The following KCNJ10 variants were observed in gnomAD, a reference collection of about 807,000 sequenced individuals.
KCNJ10 encodes the protein ATP-sensitive inward rectifier potassium channel 10.
A neutral mutation model predicts 22.2 loss-of-function variants in KCNJ10; 9 were observed. That is an observed-to-expected ratio of 0.40 (90% CI 0.24 to 0.71). KCNJ10 has a LOEUF of 0.71. KCNJ10 is among the 30% of genes least tolerant of loss of function. The pLI, the probability that KCNJ10 is intolerant of heterozygous loss-of-function variation, is 0.35. For missense variants in KCNJ10, 337 were observed against 482.7 expected (o/e 0.70, Z 2.83); for synonymous variants, 184 against 187.3 (o/e 0.98, Z 0.15).
intron 1 of KCNJ10, among the ~76,000 whole-genome samples, chr1:160,059,212 A>C (rs1296801702): frequency 6.6e-6 from 1 of 152,240 alleles, no homozygotes; most frequent in Non-Finnish European, 1.5e-5. Flanking sequence ...ATCTGCTTAA[A>C]GTCTGGGCTT....
chr1:160,047,733 C>T (rs989101400), intron 1 of KCNJ10, among the ~76,000 whole-genome samples: 5 of 151,982 alleles, frequency 3.3e-5, no homozygotes, highest in Non-Finnish European at 1.5e-5. Flanking sequence ...ATTCTCTTTC[C>T]CCCACCTCAC....
chr1:160,042,748 C>T (rs573325176), intron 1 of KCNJ10, among the ~76,000 whole-genome samples: 2 of 152,204 alleles, frequency 1.3e-5, no homozygotes, highest in Admixed American at 1.3e-4. Flanking sequence ...ACCAGCCTGG[C>T]CAACAAGGCA....
Position 160,070,059 on chromosome 1 carries a change from C to T in KCNJ10, c.-38G>A. ...GTGGAGTGGCCCCTTGGATGGGCCG[C>T]GGGGCAGCGGGACAGATGGACGGAC... On this transcript the variant is annotated 5_prime_UTR_variant, in exon 1 of 2. Coordinates refer to ENST00000644903, the MANE Select transcript of KCNJ10 (RefSeq NM_002241.5). This position sits in a 1 kb window ranked among gnomAD's most constrained non-coding sequence, Gnocchi z 4.3. 6.5e-6 allele frequency: 1 copy of T among 152,678 alleles called. No individual in the cohort carries two copies. Among genetic ancestry groups the T allele is most frequent in the Non-Finnish European group, 1.5e-5 (1 of 68,508 alleles). The allele number at this position is 152,678 out of a possible 1,614,324, so 9.5% of individuals were successfully genotyped here.
intron 1 of KCNJ10, among the ~76,000 whole-genome samples, chr1:160,046,614 T>C (rs2101927042): frequency 6.6e-6 from 1 of 152,304 alleles, no homozygotes; most frequent in South Asian, 2.1e-4. Flanking sequence ...GTAGTGCCTG[T>C]GGTTGCCAGC....
At position 160,038,028 on chromosome 1, in the gene KCNJ10, C is replaced by A. The variant is rs952661145; in HGVS notation, c.*3365G>T. The A allele has an allele frequency of 1.3e-5, 2 of 152,262 alleles. No homozygotes were observed. The highest frequency in any genetic ancestry group is 2.4e-5 in the African/African-American group (1 of 41,474). The allele number at this position is 152,262 out of a possible 1,614,324, so 9.4% of individuals were successfully genotyped here. A position where few individuals can be genotyped will look rare whatever the true frequency, so the allele number is the denominator to read the frequency against. ...GAACTCTTCTGGAATCCATGGCTTT[C>A]TCTTTGGGCTGCTTGCAGCCACACA... On this transcript the variant is annotated 3_prime_UTR_variant, in exon 2 of 2. Transcript: ENST00000644903.
chr1:160,047,542 C>G (rs1320781959), intron 1 of KCNJ10, among the ~76,000 whole-genome samples: 1 of 152,186 alleles, frequency 6.6e-6, no homozygotes, highest in African/African-American at 2.4e-5. Flanking sequence ...ACCTTTGGAC[C>G]TGCTTCTGCA....
At chr1:160,064,061 C>T (rs1012638488) in intron 1 of KCNJ10, among the ~76,000 whole-genome samples, 31 of 152,216 alleles carry the variant, frequency 2.0e-4, no homozygotes, top group African/African-American at 6.0e-4. Flanking sequence ...ACCACTACCC[C>T]ATACTACCTC....
At chr1:160,055,666 G>T (rs535864171) in intron 1 of KCNJ10, among the ~76,000 whole-genome samples, 2 of 152,274 alleles carry the variant, frequency 1.3e-5, no homozygotes, top group African/African-American at 2.4e-5. Context: ...TGCATGGGTT[G>T]TGAACACTAC....
chr1:160,042,305 T>C lies in KCNJ10; in HGVS notation c.228A>G (p.Ala76=), dbSNP rs1249044917. 6.2e-7 allele frequency: 1 copy of C among 1,613,568 alleles called. No individual in the cohort carries two copies. Among genetic ancestry groups the C allele is most frequent in the African/African-American group, 1.3e-5 (1 of 74,924 alleles). ...YKLLLFSATF[A]GTWFLFGVVW... is the part of the protein sequence containing the mutation. ...CCACGCCAAAGAGGAACCATGTGCC[T>C]GCAAAGGTCGCAGAGAAGAGCAGAA... Residue 76 remains alanine, a synonymous_variant, in exon 2 of 2, where the codon GCA becomes GCG. Coordinates refer to ENST00000644903, the MANE Select transcript of KCNJ10 (RefSeq NM_002241.5).
intron 1 of KCNJ10, among the ~76,000 whole-genome samples, chr1:160,057,160 G>A (rs1396702822): frequency 6.6e-6 from 1 of 152,208 alleles, no homozygotes; most frequent in African/African-American, 2.4e-5. Flanking sequence ...TATGAAATCT[G>A]TAAGGCCCTT....
At chr1:160,050,643 T>G (rs577361260) in intron 1 of KCNJ10, among the ~76,000 whole-genome samples, 1 of 152,144 alleles carries the variant, frequency 6.6e-6, no homozygotes, top group African/African-American at 2.4e-5. Flanking sequence ...AACTGACATC[T>G]AGTGCAAGGG....
intron 1 of KCNJ10, among the ~76,000 whole-genome samples, chr1:160,064,388 C>A (rs1557974720): frequency 6.6e-6 from 1 of 152,186 alleles, no homozygotes; most frequent in African/African-American, 2.4e-5. Flanking sequence ...GATGAGAAAG[C>A]AACTGTCTTT....
chr1:160,048,385 C>CT (rs72510509), intron 1 of KCNJ10, among the ~76,000 whole-genome samples: 78,635 of 152,084 alleles, frequency 0.52, 20,530 homozygotes, highest in South Asian at 0.69. Flanking sequence ...AGTCCCTGCT[C>CT]CTTCTGGGCC....
chr1:160,049,691 A>ATATATATATATATATT (rs1370278942), intron 1 of KCNJ10, among the ~76,000 whole-genome samples: 24 of 113,468 alleles, frequency 2.1e-4, no homozygotes, highest in Non-Finnish European at 3.6e-4. Context: ...ATATATATAT[A>ATATATATATATATATT]TATATATATA....
At chr1:160,042,956 T>C (rs1323952584) in intron 1 of KCNJ10, among the ~76,000 whole-genome samples, 1 of 141,336 alleles carries the variant, frequency 7.1e-6, no homozygotes, top group African/African-American at 2.6e-5. Context: ...AAAAAGTAAA[T>C]AAAATAAAAT....
At chr1:160,052,752 G>A (rs1014405946) in intron 1 of KCNJ10, among the ~76,000 whole-genome samples, 1 of 152,214 alleles carries the variant, frequency 6.6e-6, no homozygotes, top group Non-Finnish European at 1.5e-5. Flanking sequence ...CCTCAGTCAA[G>A]CCTCTCAGCC....
At chr1:160,058,611 CT>C (rs1649102627) in intron 1 of KCNJ10, among the ~76,000 whole-genome samples, 2 of 152,102 alleles carry the variant, frequency 1.3e-5, no homozygotes, top group South Asian at 2.1e-4. Context: ...AGAAATTAGT[CT>C]TGGGAGAAAG....
intron 1 of KCNJ10, among the ~76,000 whole-genome samples, chr1:160,055,373 G>C (rs756703443): frequency 5.3e-5 from 8 of 152,238 alleles, no homozygotes; most frequent in Non-Finnish European, 7.4e-5. Context: ...TTAAATCCAA[G>C]GGTGTCTTCT....
intron 1 of KCNJ10, 108 bp from the exon 2 acceptor site, chr1:160,042,640 G>T: frequency 9.8e-7 from 1 of 1,015,392 alleles, no homozygotes; most frequent in Non-Finnish European, 1.5e-6. Context: ...TGTCGCTTAT[G>T]TGTTCTTGTC....
Sources: allele counts gnomAD v4.1 joint callset (sites outside exome capture counted in the v4.1 genomes callset), GRCh38; gene constraint gnomAD v4.1.1; non-coding constraint Gnocchi (gnomAD v3.1); transcripts MANE v1.5; gene names NCBI Gene and HGNC (gene_info 2026-07-23, HGNC 2026-07-21).